The following CCDC148 variants were observed in gnomAD, a reference collection of about 807,000 sequenced individuals.
CCDC148 encodes the protein coiled-coil domain-containing protein 148.
CCDC148 carries 89 observed loss-of-function variants against 85.7 expected under a neutral mutation model. That is an observed-to-expected ratio of 1.04 (90% CI 0.87 to 1.24). The LOEUF is 1.24. Ranked by LOEUF, CCDC148 falls within the 50% of genes most tolerant of loss-of-function variation. The pLI is 0.00. For synonymous variants in CCDC148, 230 were observed against 213.9 expected (o/e 1.08, Z -0.66); for missense variants, 692 against 671.7 (o/e 1.03, Z -0.33).
chr2:158,233,572 C>G (rs912262745), intron 10 of CCDC148, among the ~76,000 whole-genome samples: 2 of 151,660 alleles, frequency 1.3e-5, no homozygotes, highest in Non-Finnish European at 2.9e-5. Flanking sequence ...AGAAAGATAG[C>G]ATTGCCCAAA....
chr2:158,428,714 G>A (rs942361123), intron 1 of CCDC148, among the ~76,000 whole-genome samples: 5 of 151,692 alleles, frequency 3.3e-5, no homozygotes, highest in East Asian at 1.9e-4. Context: ...CAACCATTGC[G>A]GAAGACAGTG....
chr2:158,329,114 C>T (rs538993508), intron 7 of CCDC148, among the ~76,000 whole-genome samples: 528 of 152,224 alleles, frequency 3.5e-3, no homozygotes, highest in Middle Eastern at 0.01. Context: ...AATGGTATTG[C>T]CTAGGTTTTC....
At chr2:158,405,643 GTGTT>G (rs879331401) in intron 1 of CCDC148, among the ~76,000 whole-genome samples, 12 of 152,160 alleles carry the variant, frequency 7.9e-5, no homozygotes, top group Non-Finnish European at 1.5e-4. Flanking sequence ...AATGTGTTAA[GTGTT>G]TGGTTAATTA....
chr2:158,286,210 A>C (rs1690617068), intron 9 of CCDC148, among the ~76,000 whole-genome samples: 1 of 152,198 alleles, frequency 6.6e-6, no homozygotes, highest in Non-Finnish European at 1.5e-5. Flanking sequence ...AAAGACACCA[A>C]ATATGTAGAA....
At chr2:158,175,529 T>G (rs2105257491) in intron 13 of CCDC148, among the ~76,000 whole-genome samples, 1 of 152,122 alleles carries the variant, frequency 6.6e-6, no homozygotes, top group Admixed American at 6.6e-5. Context: ...CCCACCCTGG[T>G]GGCATTGTTG....
At chr2:158,301,545 G>A (rs1039755194) in intron 9 of CCDC148, among the ~76,000 whole-genome samples, 3 of 152,170 alleles carry the variant, frequency 2.0e-5, no homozygotes, top group Non-Finnish European at 4.4e-5. Flanking sequence ...CAGGGTAGGC[G>A]GAATCACGAG....
At chr2:158,172,729 T>C (rs1437282383) in intron 13 of CCDC148, among the ~76,000 whole-genome samples, 1 of 152,092 alleles carries the variant, frequency 6.6e-6, no homozygotes, top group East Asian at 1.9e-4. Flanking sequence ...AGAACTTTTC[T>C]TCCAAGGCTG....
chr2:158,340,827 T>A (rs11899181), intron 3 of CCDC148, 147 bp from the exon 4 acceptor site: 13 of 598,394 alleles, frequency 2.2e-5, no homozygotes, highest in African/African-American at 1.5e-4. Flanking sequence ...GGCTTGAGTC[T>A]TTACTAGACA....
Position 158,176,676 on chromosome 2 carries a change from G to C in CCDC148, c.1489-15C>G, listed in dbSNP as rs1242315846. The C allele has an allele frequency of 1.2e-6, 2 of 1,610,874 alleles. No homozygotes were observed. Among genetic ancestry groups the C allele is most frequent in the African/African-American group, 1.3e-5 (1 of 74,764 alleles). ...ACAACAGCAACCTAAAAATGAGAAAGCATGGCTACTTGGAACAAGGTACAA... is the reference window on the plus strand; with the variant it reads ...ACAACAGCAACCTAAAAATGAGAAACCATGGCTACTTGGAACAAGGTACAA... On this transcript the variant is annotated splice_polypyrimidine_tract_variant and intron_variant, in intron 12 of 13. Transcript: ENST00000283233.
chr2:158,242,520 C>T (rs1359038699), intron 10 of CCDC148, among the ~76,000 whole-genome samples: 9 of 152,166 alleles, frequency 5.9e-5, no homozygotes, highest in Middle Eastern at 3.2e-3. Context: ...GGAACTCCAG[C>T]TCAGGTCTGA....
intron 2 of CCDC148, among the ~76,000 whole-genome samples, chr2:158,347,743 T>C (rs113616389): frequency 6.6e-6 from 1 of 152,226 alleles, no homozygotes; most frequent in African/African-American, 2.4e-5. Context: ...CAAAAGCTCT[T>C]TGAACGAGAA....
intron 2 of CCDC148, among the ~76,000 whole-genome samples, chr2:158,356,500 T>C (rs1391969455): frequency 1.3e-5 from 2 of 152,132 alleles, no homozygotes; most frequent in South Asian, 4.2e-4. Flanking sequence ...TCACTGGCCA[T>C]CAGAGAAATG....
At chr2:158,270,799 G>T (rs1040164218) in intron 9 of CCDC148, among the ~76,000 whole-genome samples, 2 of 152,120 alleles carry the variant, frequency 1.3e-5, no homozygotes, top group Non-Finnish European at 2.9e-5. Context: ...CTGTTACCAG[G>T]GGGGAGTACT....
At chr2:158,325,925 T>G (rs79297871) in intron 7 of CCDC148, among the ~76,000 whole-genome samples, 3,910 of 152,244 alleles carry the variant, frequency 0.026, 171 homozygotes, top group African/African-American at 0.09. Context: ...TTCTTGCACT[T>G]CTACCCCCCA....
At chr2:158,326,795 C>T (rs558541779) in intron 7 of CCDC148, among the ~76,000 whole-genome samples, 1 of 152,210 alleles carries the variant, frequency 6.6e-6, no homozygotes, top group South Asian at 2.1e-4. Context: ...CCTACTCCCC[C>T]AGGCATCTGG....
At chr2:158,222,133 A>T (rs1324594255) in intron 10 of CCDC148, among the ~76,000 whole-genome samples, 3 of 152,128 alleles carry the variant, frequency 2.0e-5, no homozygotes, top group East Asian at 3.9e-4. Context: ...TTCAAAACAA[A>T]TTTTTTTAAA....
At chr2:158,437,428 C>T (rs1184697970) in intron 1 of CCDC148, among the ~76,000 whole-genome samples, 4 of 152,176 alleles carry the variant, frequency 2.6e-5, no homozygotes, top group East Asian at 1.9e-4. Flanking sequence ...AATTCAACAG[C>T]GCTTCATGCT....
intron 7 of CCDC148, among the ~76,000 whole-genome samples, chr2:158,330,333 C>A (rs1693030788): frequency 6.6e-6 from 1 of 152,124 alleles, no homozygotes. Flanking sequence ...TATGTTGAAC[C>A]AGCCTTGCAT....
intron 1 of CCDC148, among the ~76,000 whole-genome samples, chr2:158,431,468 G>C (rs1431044525): frequency 6.7e-6 from 1 of 148,522 alleles, no homozygotes; most frequent in Non-Finnish European, 1.5e-5. Context: ...TCTGTAAAGT[G>C]CTATAAAAAA....
Sources: gnomAD v4.1 joint callset for allele counts (sites outside exome capture counted in the v4.1 genomes callset) on GRCh38, gnomAD v4.1.1 for gene constraint, MANE v1.5 for transcripts, NCBI Gene and HGNC (gene_info 2026-07-23, HGNC 2026-07-21) for gene names.